The following DLGAP1 variants were observed in gnomAD, a reference collection of about 807,000 sequenced individuals.
The protein encoded by DLGAP1 is disks large-associated protein 1.
A neutral mutation model predicts 90.8 loss-of-function variants in DLGAP1; 11 were observed. That is an observed-to-expected ratio of 0.12 (90% confidence interval 0.08 to 0.20). DLGAP1 has a LOEUF of 0.20. Among genes scored for constraint, DLGAP1 ranks in the 10% least tolerant of loss-of-function variants. The pLI is 1.00. For missense variants in DLGAP1, 1,050 were observed against 1,333.8 expected (o/e 0.79, Z 3.31); for synonymous variants, 558 against 540.7 (o/e 1.03, Z -0.44).
intron 3 of DLGAP1, among the ~76,000 whole-genome samples, chr18:3,914,053 A>G (rs113436009): frequency 0.029 from 4,356 of 152,164 alleles, 202 homozygotes; most frequent in African/African-American, 0.096. Flanking sequence ...ATTTTATTTT[A>G]TTTATGGGTG....
intron 1 of DLGAP1, among the ~76,000 whole-genome samples, chr18:4,209,158 C>G (rs1482405028): frequency 6.6e-6 from 1 of 152,106 alleles, no homozygotes; most frequent in African/African-American, 2.4e-5. Context: ...CTACCAGCAA[C>G]AGAAGGCAGG....
chr18:4,059,098 A>G (rs1364935868), intron 2 of DLGAP1, among the ~76,000 whole-genome samples: 1 of 151,820 alleles, frequency 6.6e-6, no homozygotes, highest in Non-Finnish European at 1.5e-5. Flanking sequence ...ACATTTCAAA[A>G]CCCCAAGGAT....
chr18:3,664,267 CT>C (rs2059802578), intron 7 of DLGAP1, among the ~76,000 whole-genome samples: 1 of 134,462 alleles, frequency 7.4e-6, no homozygotes, highest in African/African-American at 3.9e-5. Flanking sequence ...AGAACTCTGA[CT>C]AATACACCAA....
At chr18:4,227,899 T>C (rs1467580234) in intron 1 of DLGAP1, among the ~76,000 whole-genome samples, 1 of 151,254 alleles carries the variant, frequency 6.6e-6, no homozygotes, top group African/African-American at 2.4e-5. Flanking sequence ...ATACAAAAGA[T>C]GACTAAAATG....
At chr18:4,326,744 C>T (rs561914069) in intron 1 of DLGAP1, among the ~76,000 whole-genome samples, 1 of 152,172 alleles carries the variant, frequency 6.6e-6, no homozygotes, top group South Asian at 2.1e-4. Flanking sequence ...AGCAAACTAA[C>T]ATAGGGACAG....
chr18:4,231,964 A>G (rs897676305), intron 1 of DLGAP1, among the ~76,000 whole-genome samples: 3 of 152,176 alleles, frequency 2.0e-5, no homozygotes, highest in Admixed American at 6.6e-5. Context: ...TGTATTAATA[A>G]TAAGTATTAA....
intron 8 of DLGAP1, chr18:3,580,038 G>T: frequency 1.5e-6 from 1 of 651,034 alleles, no homozygotes; most frequent in Non-Finnish European, 2.7e-6. Flanking sequence ...AGAAATGTGC[G>T]TTAGGAATTA....
intron 7 of DLGAP1, among the ~76,000 whole-genome samples, chr18:3,714,639 G>GTTTTTTTTTTTTTTTTTTTTTTTT (rs869196557): frequency 2.1e-5 from 2 of 93,050 alleles, no homozygotes; most frequent in Non-Finnish European, 2.1e-5. Context: ...TGATTACGTG[G>GTTTTTTTTTTTTTTTTTTTTTTTT]TTTTTTTTTT....
chr18:4,283,750 C>G (rs2079611128), intron 1 of DLGAP1, among the ~76,000 whole-genome samples: 1 of 152,150 alleles, frequency 6.6e-6, no homozygotes, highest in Non-Finnish European at 1.5e-5. Context: ...AAGAAGTTAT[C>G]CATGTACTTG....
chr18:3,791,910 T>C (rs555564307), intron 5 of DLGAP1, among the ~76,000 whole-genome samples: 3 of 152,240 alleles, frequency 2.0e-5, no homozygotes, highest in African/African-American at 7.2e-5. Flanking sequence ...AGATTCTGCA[T>C]TTAAAAAATA....
chr18:4,409,095 T>C (rs764477139), intron 1 of DLGAP1, among the ~76,000 whole-genome samples: 13 of 152,114 alleles, frequency 8.5e-5, no homozygotes, highest in Non-Finnish European at 1.6e-4. Flanking sequence ...ATCTACTACA[T>C]GGAAACTATA....
At position 4,263,524 on chromosome 18, in the gene DLGAP1, T is replaced by G. The variant is rs141274907; in HGVS notation, c.-266-112237A>C. Among the ~76,000 whole-genome samples, 304 of 152,314 alleles carry G rather than the reference T, an allele frequency of 2.0e-3. 2 individuals are homozygous for G. Among genetic ancestry groups the G allele is most frequent in the African/African-American group, 6.7e-3 (278 of 41,574 alleles). ...AGACTTTATGAATAGTCCTAAAATC[T>G]GATCTACTACCAAATATGGCCAAAG... On this transcript the variant is annotated intron_variant, in intron 1 of 12. Transcript: ENST00000315677.
chr18:4,277,500 T>C (rs1005870544), intron 1 of DLGAP1, among the ~76,000 whole-genome samples: 5 of 152,230 alleles, frequency 3.3e-5, no homozygotes, highest in South Asian at 2.1e-4. Flanking sequence ...GGGTAAGATA[T>C]ATGTCATAGG....
rs532669489 is a variant in DLGAP1, at chr18:3,698,115, C to A, written c.1591+31020G>T. Among the ~76,000 whole-genome samples, 17 of 152,286 alleles carry A rather than the reference C, an allele frequency of 1.1e-4. No individual in the cohort carries two copies. The South Asian group carries it at 3.5e-3, about 32-fold the overall frequency. On this transcript the variant is annotated intron_variant, in intron 7 of 12. Transcript: ENST00000315677. The stretch of plus-strand genomic sequence containing the variant: ...AGTTTGGTCTCCTGAATACAGCACA[C>A]CGCTGGGCCTTGACTCTTTATCCAA...
intron 7 of DLGAP1, chr18:3,597,224 C>G (rs1344545876): frequency 1.9e-6 from 1 of 516,186 alleles, no homozygotes; most frequent in East Asian, 5.4e-5. Context: ...AGTATCATTT[C>G]ATGAAAATTA....
intron 2 of DLGAP1, among the ~76,000 whole-genome samples, chr18:4,045,465 A>AAAAAAAAAAAG (rs2075038289): frequency 7.7e-6 from 1 of 130,194 alleles, no homozygotes; most frequent in African/African-American, 2.9e-5. Context: ...AAAAAAAAAA[A>AAAAAAAAAAAG]GCTTGCCCCT....
chr18:3,629,310 C>T (rs985969782), intron 7 of DLGAP1, among the ~76,000 whole-genome samples: 4 of 151,996 alleles, frequency 2.6e-5, no homozygotes, highest in Admixed American at 2.0e-4. Context: ...CTGCAATGAG[C>T]CATGATTGTG....
At position 4,165,322 on chromosome 18, in the gene DLGAP1, C is replaced by T. The variant is rs183443032; in HGVS notation, c.-266-14035G>A. ...TGAAGGCCAGAAGAAAGTGGCAAAA[C>T]GGTTTTCAAGTGATAAAACAAAAAT... On this transcript the variant is annotated intron_variant, in intron 1 of 12. Transcript: ENST00000315677. 7.7e-4 allele frequency among the ~76,000 whole-genome samples: 117 copies of T among 152,200 alleles called. 3 individuals are homozygous for T. Among genetic ancestry groups the T allele is most frequent in the Middle Eastern group, 3.4e-3 (1 of 294 alleles).
At chr18:4,308,112 A>C in intron 1 of DLGAP1, among the ~76,000 whole-genome samples, 1 of 152,156 alleles carries the variant, frequency 6.6e-6, no homozygotes, top group East Asian at 1.9e-4. Context: ...ACTGTTGTTC[A>C]CTTATGCACA....
Sources: allele counts gnomAD v4.1 joint callset (sites outside exome capture counted in the v4.1 genomes callset), GRCh38; gene constraint gnomAD v4.1.1; transcripts MANE v1.5; gene names NCBI Gene and HGNC (gene_info 2026-07-23, HGNC 2026-07-21).